Variants in GPHN observed in about 807,000 individuals in gnomAD.
The protein encoded by GPHN is gephyrin.
In GPHN, 17 loss-of-function variants were observed where a neutral mutation model predicts 95.5. That is an observed-to-expected ratio of 0.18 (90% CI 0.12 to 0.27). The LOEUF is 0.27. Ranked by LOEUF, GPHN falls within the 10% of genes least tolerant of loss-of-function variation. GPHN has a pLI of 1.00. For missense variants in GPHN, 660 were observed against 978.1 expected, an observed-to-expected ratio of 0.67 and a Z score of 4.34; for synonymous variants, 320 against 322.5, an observed-to-expected ratio of 0.99 and a Z score of 0.08.
chr14:67,260,893 A>G, the GPHN span, among the ~76,000 whole-genome samples: 47,339 of 151,868 alleles, frequency 0.31, 11,314 homozygotes, highest in African/African-American at 0.64. Context: ...GAGAAAGAAA[A>G]TGGAAAAAGT....
chr14:67,618,625 C>T, the GPHN span, among the ~76,000 whole-genome samples: 6 of 152,110 alleles, frequency 3.9e-5, no homozygotes, highest in Non-Finnish European at 7.4e-5. Flanking sequence ...AGGAGATCCT[C>T]CTGCCTTGGC....
At chr14:67,379,756 A>G in the GPHN span, among the ~76,000 whole-genome samples, 14,732 of 126,728 alleles carry the variant, frequency 0.12, 1,380 homozygotes, top group East Asian at 0.34. Context: ...CCGGGTTCAC[A>G]CCATTCTCCT....
the GPHN span, chr14:67,473,573 G>T: frequency 6.2e-7 from 1 of 1,612,572 alleles, no homozygotes. The surrounding 1 kb of genome is among the most constrained non-coding windows in gnomAD (Gnocchi z 6.5). Flanking sequence ...CGTACTCCAG[G>T]GTGATGAGGC....
chr14:67,087,490 T>A (rs1005549325), intron 11 of GPHN, among the ~76,000 whole-genome samples: 8 of 152,112 alleles, frequency 5.3e-5, no homozygotes, highest in African/African-American at 1.7e-4. Context: ...TTGTCTGACA[T>A]AGTATGGCCC....
intron 1 of GPHN, among the ~76,000 whole-genome samples, chr14:66,648,947 T>C (rs988257184): frequency 2.4e-4 from 37 of 152,144 alleles, no homozygotes; most frequent in Admixed American, 2.3e-3. Context: ...AACCCAGAGA[T>C]TGAGGGATAA....
At chr14:67,589,812 A>G in the GPHN span, 4 of 1,151,982 alleles carry the variant, frequency 3.5e-6, no homozygotes, top group African/African-American at 6.4e-5. Flanking sequence ...TTCTTTGCTG[A>G]CATTACTTTT....
At chr14:67,267,410 C>A in the GPHN span, among the ~76,000 whole-genome samples, 2 of 152,008 alleles carry the variant, frequency 1.3e-5, no homozygotes, top group Middle Eastern at 3.2e-3. Flanking sequence ...AGGCATGCAC[C>A]ACCACACCTG....
the GPHN span, chr14:67,392,801 C>G: frequency 6.2e-7 from 1 of 1,613,838 alleles, no homozygotes; most frequent in Non-Finnish European, 8.5e-7. Flanking sequence ...CGCCTCCAGA[C>G]GGCTGGCCGT....
chr14:66,571,068 T>C (rs1207769573), intron 1 of GPHN, among the ~76,000 whole-genome samples: 1 of 152,178 alleles, frequency 6.6e-6, no homozygotes, highest in African/African-American at 2.4e-5. Context: ...TATAAAGAAA[T>C]ACCCAAGACT....
At chr14:67,159,583 T>C in intron 19 of GPHN, 95 bp downstream of exon 19, 1 of 786,488 alleles carries the variant, frequency 1.3e-6, no homozygotes, top group Non-Finnish European at 2.3e-6. Flanking sequence ...TTTCCTATTA[T>C]GAATTAACTA....
intron 1 of GPHN, among the ~76,000 whole-genome samples, chr14:66,607,141 G>A (rs988119428): frequency 6.6e-6 from 1 of 152,024 alleles, no homozygotes; most frequent in African/African-American, 2.4e-5. Context: ...TGTGAGGTAT[G>A]TTCCTTCGAA....
the GPHN span, chr14:67,621,038 C>A: frequency 1.4e-6 from 2 of 1,383,204 alleles, no homozygotes; most frequent in Non-Finnish European, 2.1e-6. Flanking sequence ...TCTCTGACAT[C>A]CAGGGACTAC....
the GPHN span, among the ~76,000 whole-genome samples, chr14:67,719,021 C>G: frequency 6.6e-6 from 1 of 152,120 alleles, no homozygotes; most frequent in Admixed American, 6.5e-5. Context: ...TAAGATACAC[C>G]AACAAAGTTG....
the GPHN span, among the ~76,000 whole-genome samples, chr14:67,467,579 G>C: frequency 6.6e-6 from 1 of 152,082 alleles, no homozygotes; most frequent in African/African-American, 2.4e-5. Flanking sequence ...TCTTGGCTAA[G>C]ACAGCATTCT....
chr14:67,394,731 A>G, the GPHN span, among the ~76,000 whole-genome samples: 2 of 152,226 alleles, frequency 1.3e-5, no homozygotes, highest in South Asian at 2.1e-4. Context: ...AAAATCCCCA[A>G]TGTGGCAATA....
chr14:66,663,883 GA>G (rs1241460472), intron 1 of GPHN, among the ~76,000 whole-genome samples: 2 of 152,170 alleles, frequency 1.3e-5, no homozygotes, highest in Non-Finnish European at 2.9e-5. Context: ...AGACAAAGAA[GA>G]AGGGCATTAC....
chr14:67,424,563 C>A, the GPHN span, among the ~76,000 whole-genome samples: 1 of 146,258 alleles, frequency 6.8e-6, no homozygotes, highest in Admixed American at 6.9e-5. Context: ...TGTGCCACTG[C>A]ACTCCAGGTT....
At chr14:67,393,274 C>A in the GPHN span, 1 of 1,480,488 alleles carries the variant, frequency 6.8e-7, no homozygotes, top group Non-Finnish European at 9.5e-7. Context: ...GAGAGGGAAC[C>A]CTCATCACGC....
intron 3 of GPHN, among the ~76,000 whole-genome samples, chr14:66,796,705 T>C (rs2060169295): frequency 6.6e-6 from 1 of 152,112 alleles, no homozygotes; most frequent in East Asian, 1.9e-4. Context: ...TTGAGCTCCT[T>C]ATATATTCTG....
Sources: allele counts gnomAD v4.1 joint callset (sites outside exome capture counted in the v4.1 genomes callset), GRCh38; gene constraint gnomAD v4.1.1; non-coding constraint Gnocchi (gnomAD v3.1); transcripts MANE v1.5; gene names NCBI Gene and HGNC (gene_info 2026-07-23, HGNC 2026-07-21).